Variants in CHP1 observed in about 807,000 individuals in gnomAD.
The protein encoded by CHP1 is calcineurin like EF-hand protein 1.
CHP1 carries 11 observed loss-of-function variants against 27.4 expected under a neutral mutation model. The ratio of observed to expected loss-of-function variants is 0.40; its 90% CI spans 0.25 to 0.67. The LOEUF (loss-of-function observed/expected upper bound fraction) is 0.67. CHP1 is among the 30% of genes least tolerant of loss of function. CHP1 has a pLI of 0.38. For synonymous variants in CHP1, 89 were observed against 87.4 expected (o/e 1.02, Z -0.10); for missense variants, 169 against 251.3 (o/e 0.67, Z 2.22).
At chr15:41,268,909 G>A (rs1262239160) in intron 4 of CHP1, among the ~76,000 whole-genome samples, 2 of 152,006 alleles carry the variant, frequency 1.3e-5, no homozygotes, top group African/African-American at 4.8e-5. Context: ...GCCGTGAGCT[G>A]AGATCCCACC....
At chr15:41,260,454 G>T (rs1407761606) in intron 3 of CHP1, among the ~76,000 whole-genome samples, 1 of 149,254 alleles carries the variant, frequency 6.7e-6, no homozygotes, top group East Asian at 2.0e-4. Context: ...GAGTGCAGTG[G>T]TGCAGTCTCG....
At chr15:41,257,638 C>T (rs890381388) in intron 3 of CHP1, among the ~76,000 whole-genome samples, 1 of 152,026 alleles carries the variant, frequency 6.6e-6, no homozygotes, top group Non-Finnish European at 1.5e-5. Context: ...CGGCTCACTG[C>T]AACCTCTGCC....
chr15:41,243,832 A>G lies in CHP1; in HGVS notation c.140+93A>G, dbSNP rs959502914. ...CCTTTATCCCTAGGGTAGACATGAT[A>G]GACATCCAGCATGCAGATAGCAAGG... On this transcript the variant is annotated intron_variant, in intron 2 of 6. Transcript: ENST00000334660. 3.0e-6 allele frequency: 3 copies of G among 1,011,180 alleles called. No homozygotes were observed. The African/African-American group carries it at 4.8e-5, about 16-fold the overall frequency. 62.6% of individuals were successfully genotyped at this position (1,011,180 alleles called of 1,614,324 possible). A position where few individuals can be genotyped will look rare whatever the true frequency, so the allele number is the denominator to read the frequency against.
At chr15:41,268,373 G>A (rs1210877386) in intron 4 of CHP1, among the ~76,000 whole-genome samples, 5 of 151,856 alleles carry the variant, frequency 3.3e-5, no homozygotes, top group African/African-American at 7.3e-5. Flanking sequence ...CTGTCTGGGC[G>A]CAGTGGCTCA....
At chr15:41,252,263 G>C (rs1459363449) in intron 2 of CHP1, among the ~76,000 whole-genome samples, 1 of 151,152 alleles carries the variant, frequency 6.6e-6, no homozygotes, top group Non-Finnish European at 1.5e-5. Flanking sequence ...TCCGCCTCCC[G>C]GGTTCAAGCA....
chr15:41,254,048 C>T (rs1340023237), intron 2 of CHP1, among the ~76,000 whole-genome samples: 1 of 152,030 alleles, frequency 6.6e-6, no homozygotes, highest in East Asian at 1.9e-4. Context: ...TCCACCTTGG[C>T]CTCCAAAAGT....
At chr15:41,237,126 T>C (rs6492994) in intron 1 of CHP1, among the ~76,000 whole-genome samples, 76,028 of 149,506 alleles carry the variant, frequency 0.51, 20,753 homozygotes, top group African/African-American at 0.73. Flanking sequence ...CCACCGCACC[T>C]GGCCCCTTTT....
chr15:41,278,050 C>T (rs756121425), intron 5 of CHP1, among the ~76,000 whole-genome samples: 20 of 150,816 alleles, frequency 1.3e-4, no homozygotes, highest in South Asian at 2.1e-4. Context: ...ATTTTTTGGC[C>T]GGGCGCAGTG....
chr15:41,261,843 T>G (rs1261619714), intron 3 of CHP1, among the ~76,000 whole-genome samples: 1 of 151,928 alleles, frequency 6.6e-6, no homozygotes, highest in Non-Finnish European at 1.5e-5. Context: ...AAATATAAAA[T>G]TAGCTGAGCG....
intron 5 of CHP1, among the ~76,000 whole-genome samples, chr15:41,278,511 C>T (rs1304721481): frequency 6.6e-6 from 1 of 152,132 alleles, no homozygotes; most frequent in African/African-American, 2.4e-5. Context: ...CCTCCTACTC[C>T]ACCCTCTGGT....
intron 3 of CHP1, among the ~76,000 whole-genome samples, chr15:41,257,838 G>A (rs1037308922): frequency 6.6e-6 from 1 of 152,212 alleles, no homozygotes; most frequent in African/African-American, 2.4e-5. Flanking sequence ...GGGATTACTG[G>A]CGTGAGCCAC....
chr15:41,271,752 A>G (rs28374715), intron 5 of CHP1, among the ~76,000 whole-genome samples: 37,645 of 152,158 alleles, frequency 0.25, 4,789 homozygotes, highest in African/African-American at 0.27. Context: ...GAGCAACCCA[A>G]CGTATTCTTA....
chr15:41,275,669 T>C (rs986532845), intron 5 of CHP1, among the ~76,000 whole-genome samples: 2 of 152,118 alleles, frequency 1.3e-5, no homozygotes, highest in African/African-American at 4.8e-5. Context: ...ACTCCTGGGC[T>C]CAGACCATCC....
intron 5 of CHP1, among the ~76,000 whole-genome samples, chr15:41,271,842 G>A (rs570087526): frequency 2.6e-5 from 4 of 152,332 alleles, no homozygotes; most frequent in Non-Finnish European, 5.9e-5. Context: ...TTTCTTCAGC[G>A]AGAAGCGTTT....
chr15:41,268,039 ATTT>A (rs1432245261), intron 4 of CHP1, among the ~76,000 whole-genome samples: 1 of 151,992 alleles, frequency 6.6e-6, no homozygotes, highest in East Asian at 1.9e-4. Flanking sequence ...GCCAGGTACT[ATTT>A]TAGGCCCAGG....
Position 41,231,346 on chromosome 15 carries a change from T to C in CHP1, c.-37T>C. 1.9e-6 allele frequency: 3 copies of C among 1,570,942 alleles called. No individual in the cohort carries two copies. The highest frequency in any genetic ancestry group is 2.6e-6 in the Non-Finnish European group (3 of 1,157,294). On this transcript the variant is annotated 5_prime_UTR_variant, in exon 1 of 7. Coordinates refer to ENST00000334660, the MANE Select transcript of CHP1 (RefSeq NM_007236.5). Reference sequence around the variant, plus strand: ...CCTTCCCTCCTGTCGCCGTCTCTTCTGGCGCCGCTGCTCCCGGAGGAGCTC... The same window carrying C: ...CCTTCCCTCCTGTCGCCGTCTCTTCCGGCGCCGCTGCTCCCGGAGGAGCTC...
intron 2 of CHP1, among the ~76,000 whole-genome samples, chr15:41,256,121 T>A (rs960901624): frequency 1.5e-4 from 23 of 152,204 alleles, no homozygotes; most frequent in Non-Finnish European, 2.8e-4. Flanking sequence ...TTAGGAGTAG[T>A]GTGGCTTTGG....
intron 2 of CHP1, among the ~76,000 whole-genome samples, chr15:41,252,458 C>A (rs957898451): frequency 6.6e-6 from 1 of 152,114 alleles, no homozygotes; most frequent in Admixed American, 6.6e-5. Flanking sequence ...TGAGCCACCA[C>A]GCCCGGCCTG....
At chr15:41,265,228 ATGG>A (rs1024442132) in intron 4 of CHP1, among the ~76,000 whole-genome samples, 9 of 151,644 alleles carry the variant, frequency 5.9e-5, no homozygotes, top group Non-Finnish European at 1.3e-4. Flanking sequence ...GCCAGGCATA[ATGG>A]TGGATGCCTG....
Sources: gnomAD v4.1 joint callset for allele counts (sites outside exome capture counted in the v4.1 genomes callset) on GRCh38, gnomAD v4.1.1 for gene constraint, MANE v1.5 for transcripts, NCBI Gene and HGNC (gene_info 2026-07-23, HGNC 2026-07-21) for gene names.